The following MKKS variants were observed in gnomAD, a reference collection of about 807,000 sequenced individuals.
MKKS encodes the protein molecular chaperone MKKS.
In MKKS, 29 loss-of-function variants were observed where a neutral mutation model predicts 33.2. The observed-to-expected ratio is 0.87, with a 90% CI of 0.65 to 1.19. The LOEUF (loss-of-function observed/expected upper bound fraction) is 1.19, where lower values mean the gene tolerates loss of function less well. Ranked by LOEUF, MKKS falls within the 50% of genes most tolerant of loss-of-function variation. The probability of loss-of-function intolerance (pLI) is 0.00; values close to 1 mark genes in which losing one functional copy is unlikely to be tolerated. For synonymous variants in MKKS, 260 were observed against 244.0 expected, an observed-to-expected ratio of 1.07 and a Z score of -0.61; for missense variants, 661 against 662.3, an observed-to-expected ratio of 1.00 and a Z score of 0.02.
intron 1 of MKKS, among the ~76,000 whole-genome samples, chr20:10,433,279 CA>C (rs1450948693): frequency 6.6e-6 from 1 of 152,222 alleles, no homozygotes; most frequent in African/African-American, 2.4e-5. Flanking sequence ...TGCGGGGTTA[CA>C]GGGGTGAGCC....
At chr20:10,428,801 G>A (rs1397950786) in intron 1 of MKKS, among the ~76,000 whole-genome samples, 2 of 151,942 alleles carry the variant, frequency 1.3e-5, no homozygotes, top group South Asian at 2.1e-4. Flanking sequence ...TCGAGATCGC[G>A]CCATTGCACT....
rs1406907205 is a variant in MKKS, at chr20:10,403,955, A to G, written c.*1292T>C. The G allele has an allele frequency of 1.3e-5, 2 of 152,212 alleles. No homozygotes were observed. The highest frequency in any genetic ancestry group is 1.5e-5 in the Non-Finnish European group (1 of 68,042). 9.4% of individuals were successfully genotyped at this position (152,212 alleles called of 1,614,324 possible). On this transcript the variant is annotated 3_prime_UTR_variant, in exon 6 of 6. Transcript: ENST00000347364. ...TTCTTTTTGATTACAAGAATATCAG[A>G]GGAAATTGTTTAACAATTCTATTTC... is the stretch of plus-strand genomic sequence containing the variant.
chr20:10,422,199 A>G (rs2064985101), intron 1 of MKKS, among the ~76,000 whole-genome samples: 1 of 152,146 alleles, frequency 6.6e-6, no homozygotes, highest in Non-Finnish European at 1.5e-5. Context: ...AAAGGTCTCA[A>G]TTCATATTTT....
chr20:10,416,511 A>G (rs532772784), intron 2 of MKKS, among the ~76,000 whole-genome samples: 3 of 152,294 alleles, frequency 2.0e-5, no homozygotes, highest in South Asian at 2.1e-4. Context: ...ACAGATTAAT[A>G]TAACTGAAAT....
At chr20:10,430,395 C>T (rs2065046726) in intron 1 of MKKS, among the ~76,000 whole-genome samples, 1 of 150,752 alleles carries the variant, frequency 6.6e-6, no homozygotes, top group African/African-American at 2.4e-5. Flanking sequence ...CATAAGCTTG[C>T]TGTGCAGTTA....
chr20:10,421,942 C>A (rs2064983411), intron 1 of MKKS, among the ~76,000 whole-genome samples: 1 of 152,056 alleles, frequency 6.6e-6, no homozygotes, highest in African/African-American at 2.4e-5. Context: ...ATGCTATGAA[C>A]TTGGCTCAAT....
chr20:10,411,273 A>G (rs956436630), intron 3 of MKKS, among the ~76,000 whole-genome samples: 21 of 151,964 alleles, frequency 1.4e-4, no homozygotes, highest in African/African-American at 4.8e-4. Flanking sequence ...GGCATGAGCC[A>G]CCGCCCAGCC....
At chr20:10,414,506 C>T (rs1046479063) in intron 2 of MKKS, among the ~76,000 whole-genome samples, 1 of 152,128 alleles carries the variant, frequency 6.6e-6, no homozygotes, top group Non-Finnish European at 1.5e-5. Flanking sequence ...CTCAGGTGAT[C>T]TGCCCATCTC....
Position 10,405,483 on chromosome 20 carries a change from A to C in MKKS, c.1477T>G (p.Leu493Val). Residue 493 changes from leucine (L) to valine (V), a missense_variant, in exon 6 of 6, where the codon TTG becomes GTG. By Grantham distance (32) the Leu-to-Val change is conservative. Coordinates refer to ENST00000347364, the MANE Select transcript of MKKS (RefSeq NM_170784.3). The part of the protein sequence containing the change: ...DSPCVANWPD[L>V]LSQCGCGLYN... ...AATCCACAGCCACACTGTGAAAGCAAATCTGGCCAGTTAGCAACACAGGGA... is the reference window on the plus strand; with the variant it reads ...AATCCACAGCCACACTGTGAAAGCACATCTGGCCAGTTAGCAACACAGGGA... 6.2e-7 allele frequency: 1 copy of C among 1,614,196 alleles called. No homozygotes were observed. The highest frequency in any genetic ancestry group is 8.5e-7 in the Non-Finnish European group (1 of 1,180,028).
In MKKS at chr20:10,412,816, G is replaced by C. The variant is rs770801103; in HGVS notation, c.699C>G (p.Ile233Met). The C allele has an allele frequency of 1.0e-4, 169 of 1,614,032 alleles. 4 individuals carry two copies. In the Admixed American group the frequency reaches 2.8e-3, roughly 27 times the overall value. ...SEVQLMRLLP[I>M]KKSTALKVAL... Reference sequence around the variant, plus strand: ...CCACCTTGAGGGCAGTTGATTTTTTGATAGGTAATAGCCTCATTAATTGAA... The same window carrying C: ...CCACCTTGAGGGCAGTTGATTTTTTCATAGGTAATAGCCTCATTAATTGAA... The change falls in exon 3 of 6, where the codon ATC (isoleucine) becomes ATG (methionine). Residue 233 changes from isoleucine to methionine, a missense_variant. Coordinates refer to ENST00000347364, the MANE Select transcript of MKKS (RefSeq NM_170784.3).
intron 1 of MKKS, among the ~76,000 whole-genome samples, chr20:10,433,899 C>T (rs1359006881): frequency 1.3e-5 from 2 of 152,218 alleles, no homozygotes; most frequent in African/African-American, 2.4e-5. Flanking sequence ...CCGTGCCGAC[C>T]GCAACATTTA....
chr20:10,421,801 T>C (rs895593571), intron 1 of MKKS, among the ~76,000 whole-genome samples: 2 of 151,544 alleles, frequency 1.3e-5, no homozygotes, highest in African/African-American at 2.4e-5. Flanking sequence ...TATTTTAAAT[T>C]TGGAAAGGAT....
chr20:10,421,864 C>A (rs2122259359), intron 1 of MKKS, among the ~76,000 whole-genome samples: 1 of 152,042 alleles, frequency 6.6e-6, no homozygotes, highest in African/African-American at 2.4e-5. Flanking sequence ...GGTTTGGGAA[C>A]TTGAATCTGG....
Position 10,407,676 on chromosome 20 carries a change from T to G in MKKS, c.1212A>C (p.Pro404=), listed in dbSNP as rs992504458. ...TACAGCCACCTCCCAACAAAGCCCATGGTTCCTTGAGTGTTAACTGCAGGA... is the reference window on the plus strand; with the variant it reads ...TACAGCCACCTCCCAACAAAGCCCAGGGTTCCTTGAGTGTTAACTGCAGGA... ...LHVLQLTLKE[P]WALLGGGCTE... Residue 404 remains proline (P), a synonymous_variant, in exon 5 of 6, where the codon CCA becomes CCC. Transcript: ENST00000347364. 1 of 1,614,050 alleles carries G rather than the reference T, an allele frequency of 6.2e-7. No individual in the cohort carries two copies. Among genetic ancestry groups the G allele is most frequent in the South Asian group, 1.1e-5 (1 of 91,072 alleles).
chr20:10,413,170 A>T lies in MKKS; in HGVS notation c.345T>A (p.Thr115=). 1 of 1,614,212 alleles carries T rather than the reference A, an allele frequency of 6.2e-7. No individual in the cohort carries two copies. Among genetic ancestry groups the T allele is most frequent in the African/African-American group, 1.3e-5 (1 of 75,062 alleles). The change falls in exon 3 of 6, where the codon ACT becomes ACA. Residue 115 remains threonine (T), a synonymous_variant. Transcript: ENST00000347364. The part of the protein sequence containing the change: ...NVQRLGLTPT[T]VIRLNKHLLS... ...AAAGATGTTTATTTAATCTAATGACAGTGGTGGGTGTCAAGCCTAATCTCT... is the reference window on the plus strand; with the variant it reads ...AAAGATGTTTATTTAATCTAATGACTGTGGTGGGTGTCAAGCCTAATCTCT...
intron 1 of MKKS, among the ~76,000 whole-genome samples, chr20:10,425,191 A>C (rs1301891991): frequency 6.6e-6 from 1 of 152,234 alleles, no homozygotes; most frequent in Non-Finnish European, 1.5e-5. Flanking sequence ...GTGTAACAAA[A>C]ATGTGATCAT....
intron 1 of MKKS, among the ~76,000 whole-genome samples, chr20:10,424,921 C>T (rs2065005105): frequency 6.6e-6 from 1 of 151,900 alleles, no homozygotes; most frequent in South Asian, 2.1e-4. Context: ...GGTGTGGTGG[C>T]AGGCGCCTGT....
intron 1 of MKKS, among the ~76,000 whole-genome samples, chr20:10,422,836 C>G (rs1024260482): frequency 6.6e-6 from 1 of 151,792 alleles, no homozygotes; most frequent in African/African-American, 2.4e-5. Context: ...CTCAGCCTCC[C>G]GAGTAGCTGG....
intron 2 of MKKS, among the ~76,000 whole-genome samples, chr20:10,414,674 C>G (rs2064924191): frequency 1.3e-5 from 2 of 152,138 alleles, no homozygotes; most frequent in Non-Finnish European, 2.9e-5. Context: ...TAGGTTTGAA[C>G]AGAAGTGCAT....
Sources: allele counts gnomAD v4.1 joint callset (sites outside exome capture counted in the v4.1 genomes callset), GRCh38; gene constraint gnomAD v4.1.1; transcripts MANE v1.5; gene names NCBI Gene and HGNC (gene_info 2026-07-23, HGNC 2026-07-21).